The following MIAT variants were observed in gnomAD, a reference collection of about 807,000 sequenced individuals.
MIAT encodes MI related novel mRNA.
chr22:26,655,920 G>C (rs946130814), intron 2 of MIAT: 2 of 152,190 alleles, frequency 1.3e-5, no homozygotes, highest in African/African-American at 2.4e-5. Context: ...CTGGGCTCAA[G>C]CAAGCTTGTC....
chr22:26,656,168 C>G (rs958959011), intron 2 of MIAT: 2 of 152,164 alleles, frequency 1.3e-5, no homozygotes, highest in African/African-American at 2.4e-5. Flanking sequence ...TGTGCCACCA[C>G]GCTTGGCTAA....
chr22:26,671,982 AT>A (rs1258423276), downstream of MIAT: 4 of 398,600 alleles, frequency 1.0e-5, no homozygotes, highest in African/African-American at 8.2e-5. Context: ...ACTTCCCCAC[AT>A]TCTTCCTCCG....
chr22:26,657,263 G>T (rs1824460118), intron 2 of MIAT: 1 of 371,066 alleles, frequency 2.7e-6, no homozygotes. Flanking sequence ...TGAGCGCACC[G>T]GCCAGCTAGC....
chr22:26,667,447 T>C (rs1930894735), intron 5 of MIAT: 3 of 393,994 alleles, frequency 7.6e-6, no homozygotes, highest in Middle Eastern at 6.4e-4. Flanking sequence ...TGTGTGTATG[T>C]TGGGGGTGGT....
At chr22:26,661,774 A>G (rs1930670419) in intron 2 of MIAT, among the ~76,000 whole-genome samples, 1 of 151,646 alleles carries the variant, frequency 6.6e-6, no homozygotes, top group Non-Finnish European at 1.5e-5. Flanking sequence ...AACCGGCATA[A>G]ACTGAACAGA....
exon 5 of MIAT, chr22:26,675,488 C>T (rs2146024216): frequency 2.5e-6 from 1 of 398,654 alleles, no homozygotes; most frequent in Non-Finnish European, 4.4e-6. Flanking sequence ...TTTGCAATGG[C>T]CTCTGGCCAC....
At chr22:26,672,644 C>T (rs1465878785), downstream of MIAT, 2 of 398,946 alleles carry the variant, frequency 5.0e-6, no homozygotes, top group Admixed American at 4.4e-5. Flanking sequence ...TAGAAGCTGT[C>T]CTGCACAGGA....
exon 4 of MIAT, chr22:26,666,509 AG>A (rs1602366883): frequency 2.5e-6 from 1 of 398,692 alleles, no homozygotes; most frequent in East Asian, 3.6e-5. Flanking sequence ...AGGGCCACCC[AG>A]TGTGGCAGGA....
rs543115873 is a variant in MIAT at position 26,653,620 on chromosome 22, C to T, written n.646+6309C>T. ...GGGATTAAAGGAGAAGTATGTAAAT[C>T]ATCTATGTTTTGTGAAAGATTTATA... On this transcript the variant is annotated intron_variant and non_coding_transcript_variant, in intron 2 of 5. Coordinates refer to ENST00000643270, the Ensembl canonical transcript of MIAT. 7.2e-5 allele frequency among the ~76,000 whole-genome samples: 11 copies of T among 152,198 alleles called. No individual in the cohort carries two copies. In the South Asian group the frequency reaches 2.3e-3, roughly 32 times the overall value.
intron 2 of MIAT, among the ~76,000 whole-genome samples, chr22:26,651,743 T>A (rs1439633065): frequency 1.3e-5 from 2 of 152,148 alleles, no homozygotes; most frequent in Non-Finnish European, 2.9e-5. Flanking sequence ...CATGCTACAA[T>A]GTGGATGAAC....
At chr22:26,663,481 G>C (rs921219682) in intron 3 of MIAT, 9 of 397,178 alleles carry the variant, frequency 2.3e-5, no homozygotes, top group Non-Finnish European at 4.0e-5. Flanking sequence ...CACGAAATCC[G>C]TATGTCCTGA....
downstream of MIAT, chr22:26,673,183 G>A: frequency 2.5e-6 from 1 of 398,682 alleles, no homozygotes; most frequent in Non-Finnish European, 4.4e-6. Context: ...TCCCGCAGAT[G>A]CTCAGGCCGG....
At chr22:26,669,786 T>G (rs1395229266), downstream of MIAT, 6 of 398,462 alleles carry the variant, frequency 1.5e-5, no homozygotes, top group Non-Finnish European at 2.7e-5. Flanking sequence ...GGCTCAGGAG[T>G]GCTTCGGAGG....
chr22:26,674,029 T>TA, downstream of MIAT: 1 of 398,690 alleles, frequency 2.5e-6, no homozygotes, highest in Non-Finnish European at 4.4e-6. Flanking sequence ...CTACAGAGCA[T>TA]ATGCCATTTT....
chr22:26,652,342 CTCTT>C (rs1930350665), intron 2 of MIAT, among the ~76,000 whole-genome samples: 1 of 151,964 alleles, frequency 6.6e-6, no homozygotes, highest in Admixed American at 6.6e-5. Flanking sequence ...ATCTCTCTCT[CTCTT>C]TATTTATTCA....
downstream of MIAT, chr22:26,670,060 T>TTTTC: frequency 2.5e-6 from 1 of 397,208 alleles, no homozygotes. Flanking sequence ...TTATCTATTT[T>TTTTC]TTTTTTTTTT....
downstream of MIAT, chr22:26,671,530 C>CCG (rs547549588): frequency 2.5e-6 from 1 of 398,582 alleles, no homozygotes; most frequent in Non-Finnish European, 4.4e-6. Flanking sequence ...ACCACCCCCC[C>CCG]GCAGCCAGAT....
chr22:26,671,808 G>T, downstream of MIAT: 1 of 398,260 alleles, frequency 2.5e-6, no homozygotes. Flanking sequence ...CAATATAAGG[G>T]TCTCAGCACA....
At chr22:26,652,458 A>G (rs1930352422) in intron 2 of MIAT, among the ~76,000 whole-genome samples, 1 of 152,002 alleles carries the variant, frequency 6.6e-6, no homozygotes, top group African/African-American at 2.4e-5. Context: ...CCCGGGTTCA[A>G]GCAATTCTCC....
Sources: gnomAD v4.1 joint callset for allele counts (sites outside exome capture counted in the v4.1 genomes callset) on GRCh38, gnomAD v4.1.1 for gene constraint, MANE v1.5 for transcripts, NCBI Gene and HGNC (gene_info 2026-07-23, HGNC 2026-07-21) for gene names.